The following SCN8A variants were observed in gnomAD, a reference collection of about 807,000 sequenced individuals.
SCN8A encodes the protein sodium channel protein type 8 subunit alpha.
In SCN8A, 30 loss-of-function variants were observed where a neutral mutation model predicts 184.1. The observed-to-expected ratio is 0.16, with a 90% CI of 0.12 to 0.22. The LOEUF is 0.22. SCN8A is among the 10% of genes least tolerant of loss of function. The probability of loss-of-function intolerance (pLI) is 1.00; values close to 1 mark genes in which losing one functional copy is unlikely to be tolerated. For synonymous variants in SCN8A, 852 were observed against 907.0 expected (o/e 0.94, Z 1.09); for missense variants, 1,057 against 2,498.9 (o/e 0.42, Z 12.30).
chr12:51,636,534 G>T (rs1186897740), intron 1 of SCN8A, among the ~76,000 whole-genome samples: 3 of 152,098 alleles, frequency 2.0e-5, no homozygotes, highest in Non-Finnish European at 4.4e-5. Context: ...GTGTAGAAAG[G>T]TGGAGAACAG....
At chr12:51,670,745 G>C (rs1416136308) in intron 2 of SCN8A, among the ~76,000 whole-genome samples, 2 of 152,174 alleles carry the variant, frequency 1.3e-5, no homozygotes, top group Non-Finnish European at 2.9e-5. Flanking sequence ...AGTGGTGGGA[G>C]TGGAAATTAA....
intron 14 of SCN8A, among the ~76,000 whole-genome samples, chr12:51,761,807 A>G (rs146508271): frequency 2.6e-3 from 393 of 152,240 alleles, no homozygotes; most frequent in Non-Finnish European, 4.5e-3. Flanking sequence ...AATTTTATAC[A>G]GGCAGTAAGA....
At chr12:51,665,157 C>CT (rs1439736374) in intron 2 of SCN8A, among the ~76,000 whole-genome samples, 1 of 152,234 alleles carries the variant, frequency 6.6e-6, no homozygotes, top group Non-Finnish European at 1.5e-5. Context: ...TTTGCATACT[C>CT]TTTTTCCCTG....
chr12:51,730,902 C>A (rs1172521318), intron 12 of SCN8A, among the ~76,000 whole-genome samples: 1 of 152,236 alleles, frequency 6.6e-6, no homozygotes, highest in Non-Finnish European at 1.5e-5. Flanking sequence ...CTTCTACTTT[C>A]TATCCTCAGG....
At chr12:51,682,589 G>T (rs1229943174) in intron 2 of SCN8A, among the ~76,000 whole-genome samples, 1 of 152,082 alleles carries the variant, frequency 6.6e-6, no homozygotes, top group South Asian at 2.1e-4. Context: ...GGCATCGAAG[G>T]TTATCATTAG....
chr12:51,633,812 T>C (rs754421103), intron 1 of SCN8A, among the ~76,000 whole-genome samples: 1 of 152,226 alleles, frequency 6.6e-6, no homozygotes, highest in African/African-American at 2.4e-5. Flanking sequence ...AGGGAAGAGA[T>C]ACTTTGGTGA....
chr12:51,779,471 T>C (rs1473459734), intron 20 of SCN8A, among the ~76,000 whole-genome samples: 1 of 152,192 alleles, frequency 6.6e-6, no homozygotes, highest in Non-Finnish European at 1.5e-5. Flanking sequence ...CCTGGAGGTC[T>C]GCAGGCTTCT....
At chr12:51,688,552 TC>T (rs1941456645) in intron 5 of SCN8A, among the ~76,000 whole-genome samples, 1 of 152,128 alleles carries the variant, frequency 6.6e-6, no homozygotes, top group Non-Finnish European at 1.5e-5. Flanking sequence ...AAGGAGTAAA[TC>T]CCAAAAACCT....
rs1264634788 is a variant in SCN8A at position 51,806,123 on chromosome 12, C to T, written c.4796-159C>T. 1.3e-5 allele frequency among the ~76,000 whole-genome samples: 2 copies of T among 152,210 alleles called. No individual in the cohort carries two copies. Among genetic ancestry groups the T allele is most frequent in the Non-Finnish European group, 2.9e-5 (2 of 68,030 alleles). On this transcript the variant is annotated intron_variant, in intron 26 of 26. Transcript: ENST00000627620. This position sits in a 1 kb window ranked among gnomAD's most constrained non-coding sequence, Gnocchi z 8.7. Reference sequence around the variant, plus strand: ...GATTACAGGCGTGAGCCCCCATGCCCAGCCAAAATGTCACTTTTTGAGAGT... The same window carrying T: ...GATTACAGGCGTGAGCCCCCATGCCTAGCCAAAATGTCACTTTTTGAGAGT...
rs76040576 is a variant in SCN8A at position 51,677,760 on chromosome 12, C to A, written c.277-6414C>A. On this transcript the variant is annotated intron_variant, in intron 2 of 26. Transcript: ENST00000627620. The stretch of plus-strand genomic sequence containing the variant: ...TTTATTAATACTCCATGCCATAACT[C>A]GTTAAGAACTGTTCTGCCGCTCTTA... Among the ~76,000 whole-genome samples the A allele has an allele frequency of 9.8e-5, 15 of 152,310 alleles. No homozygotes were observed. In the East Asian group the frequency reaches 2.9e-3, roughly 29 times the overall value.
At chr12:51,706,357 G>A in intron 10 of SCN8A, 65 bp from the exon 11 acceptor site, 1 of 1,439,258 alleles carries the variant, frequency 6.9e-7, no homozygotes, top group Admixed American at 2.8e-5. Flanking sequence ...GTACTAACTG[G>A]TTGGCTTTGG....
chr12:51,803,874 C>T (rs991230401), intron 26 of SCN8A, among the ~76,000 whole-genome samples: 27 of 152,196 alleles, frequency 1.8e-4, no homozygotes, highest in African/African-American at 6.3e-4. Context: ...TTGACCCGCT[C>T]GCTGAACTTA....
chr12:51,799,812 C>T (rs1938505581), intron 26 of SCN8A, among the ~76,000 whole-genome samples: 1 of 152,196 alleles, frequency 6.6e-6, no homozygotes, highest in African/African-American at 2.4e-5. Context: ...GTAGGAGAGG[C>T]CAAATGCAAC....
At chr12:51,668,457 C>G (rs1941075003) in intron 2 of SCN8A, among the ~76,000 whole-genome samples, 1 of 152,070 alleles carries the variant, frequency 6.6e-6, no homozygotes, top group Non-Finnish European at 1.5e-5. Context: ...TTTCTAGTTC[C>G]CCACTTTTCT....
intron 1 of SCN8A, among the ~76,000 whole-genome samples, chr12:51,633,458 A>G (rs1346486059): frequency 1.3e-5 from 2 of 151,994 alleles, no homozygotes; most frequent in Non-Finnish European, 2.9e-5. Context: ...ATCTTCATCA[A>G]CTGTTTGGCC....
chr12:51,725,112 G>A (rs894272150), intron 12 of SCN8A, among the ~76,000 whole-genome samples: 1 of 152,144 alleles, frequency 6.6e-6, no homozygotes, highest in African/African-American at 2.4e-5. Context: ...AGGAAGATGA[G>A]GTAGGCAAGA....
At chr12:51,731,484 C>T (rs1449318790) in intron 12 of SCN8A, among the ~76,000 whole-genome samples, 2 of 152,154 alleles carry the variant, frequency 1.3e-5, no homozygotes, top group African/African-American at 4.8e-5. Flanking sequence ...CCCCTGACCT[C>T]ATGTGATCCA....
In SCN8A at chr12:51,634,352, A is replaced by G. The variant is rs187598685; in HGVS notation, c.-54-28412A>G. On this transcript the variant is annotated intron_variant, in intron 1 of 26. Transcript: ENST00000627620. ...GTAGTTGCTTTTGAGGAGGTTAGAG[A>G]GGAATTGTATGGAAAAGAATTATAC... Among the ~76,000 whole-genome samples, 17 of 152,310 alleles carry G rather than the reference A, an allele frequency of 1.1e-4. No individual in the cohort carries two copies. In the East Asian group the frequency reaches 3.3e-3, roughly 29 times the overall value.
chr12:51,603,139 C>G (rs1005691774), intron 1 of SCN8A, among the ~76,000 whole-genome samples: 15 of 152,066 alleles, frequency 9.9e-5, no homozygotes, highest in African/African-American at 3.6e-4. Flanking sequence ...TTCCATTACC[C>G]CAAAATACTC....
Sources: allele counts gnomAD v4.1 joint callset (sites outside exome capture counted in the v4.1 genomes callset), GRCh38; gene constraint gnomAD v4.1.1; non-coding constraint Gnocchi (gnomAD v3.1); transcripts MANE v1.5; gene names NCBI Gene and HGNC (gene_info 2026-07-23, HGNC 2026-07-21).